Variants in SSBP3 observed in about 807,000 individuals in gnomAD.
SSBP3 encodes the protein single-stranded DNA-binding protein 3.
Under a neutral mutation model 69.6 loss-of-function variants are expected in SSBP3, and 5 were observed. The ratio of observed to expected loss-of-function variants is 0.07; its 90% CI spans 0.04 to 0.15. The LOEUF (loss-of-function observed/expected upper bound fraction) is 0.15, where lower values mean the gene tolerates loss of function less well. Among genes scored for constraint, SSBP3 ranks in the 10% least tolerant of loss-of-function variants. The probability of loss-of-function intolerance (pLI) is 1.00; values close to 1 mark genes in which losing one functional copy is unlikely to be tolerated. For synonymous variants in SSBP3, 196 were observed against 193.4 expected (o/e 1.01, Z -0.11); for missense variants, 312 against 534.0 (o/e 0.58, Z 4.10).
At chr1:54,236,024 GC>G (rs1644485871) in intron 14 of SSBP3, among the ~76,000 whole-genome samples, 1 of 152,216 alleles carries the variant, frequency 6.6e-6, no homozygotes, top group South Asian at 2.1e-4. Context: ...TGGCTGGCTA[GC>G]CCCATCTAGG....
chr1:54,301,645 G>A (rs771959412), intron 4 of SSBP3, among the ~76,000 whole-genome samples: 1 of 152,224 alleles, frequency 6.6e-6, no homozygotes, highest in African/African-American at 2.4e-5. Flanking sequence ...AAATGGGAAG[G>A]GGGATGAAAA....
intron 4 of SSBP3, chr1:54,287,433 G>T (rs907492120): frequency 6.6e-6 from 1 of 152,442 alleles, no homozygotes; most frequent in Admixed American, 6.5e-5. Flanking sequence ...GGGGTGGGAG[G>T]TGTGTGCTGA....
chr1:54,298,514 G>C (rs1467820887), intron 4 of SSBP3, among the ~76,000 whole-genome samples: 1 of 152,098 alleles, frequency 6.6e-6, no homozygotes, highest in Non-Finnish European at 1.5e-5. Context: ...CAGTGCCAGA[G>C]GCCACCCGGC....
intron 4 of SSBP3, among the ~76,000 whole-genome samples, chr1:54,395,619 A>T (rs1648808711): frequency 6.6e-6 from 1 of 152,148 alleles, no homozygotes; most frequent in East Asian, 1.9e-4. Flanking sequence ...ATATTGACGG[A>T]TGACTGTACT....
intron 4 of SSBP3, among the ~76,000 whole-genome samples, chr1:54,306,882 G>A (rs1328642279): frequency 6.6e-6 from 1 of 152,180 alleles, no homozygotes; most frequent in African/African-American, 2.4e-5. Context: ...CTGAGGTAGT[G>A]GACAGAGGTG....
intron 4 of SSBP3, among the ~76,000 whole-genome samples, chr1:54,315,564 A>G (rs893467278): frequency 6.6e-6 from 1 of 151,918 alleles, no homozygotes; most frequent in African/African-American, 2.4e-5. Context: ...ATCTATTGCT[A>G]GCCTCAGTAT....
exon 15 of SSBP3, chr1:54,228,778 T>G (rs1234430631): frequency 6.2e-7 from 1 of 1,609,768 alleles, no homozygotes; most frequent in African/African-American, 1.3e-5. Flanking sequence ...TGTGGCTCCA[T>G]GCCACCCATG....
chr1:54,319,381 G>A (rs1456988010), intron 4 of SSBP3, among the ~76,000 whole-genome samples: 1 of 152,062 alleles, frequency 6.6e-6, no homozygotes, highest in Non-Finnish European at 1.5e-5. Context: ...GGGAGTTGCA[G>A]AGTGACCCGC....
At chr1:54,249,148 G>A (rs3753417) in intron 9 of SSBP3, among the ~76,000 whole-genome samples, 9,873 of 152,228 alleles carry the variant, frequency 0.065, 422 homozygotes, top group South Asian at 0.22. Flanking sequence ...ACACCCAGAG[G>A]AAGTCCTGAA....
intron 4 of SSBP3, among the ~76,000 whole-genome samples, chr1:54,289,133 G>A (rs1051073037): frequency 1.3e-5 from 2 of 151,390 alleles, no homozygotes; most frequent in Non-Finnish European, 1.5e-5. Flanking sequence ...AGAAATAGCC[G>A]GCACTTCATT....
Position 54,405,385 on chromosome 1 carries a change from C to G in SSBP3, c.57-455G>C, listed in dbSNP as rs974926861. On this transcript the variant is annotated intron_variant, in intron 1 of 17. Coordinates refer to ENST00000610401, the Ensembl canonical transcript of SSBP3. Reference sequence around the variant, plus strand: ...GTCACCTCCCCCCAAACAACTGTGCCCCAAGCCTGGGGCCAAGCCGGCACC... The same window carrying G: ...GTCACCTCCCCCCAAACAACTGTGCGCCAAGCCTGGGGCCAAGCCGGCACC... 8 of 174,468 alleles carry G rather than the reference C, an allele frequency of 4.6e-5. No homozygotes were observed. The South Asian group carries it at 1.1e-3, about 24-fold the overall frequency. The allele number at this position is 174,468 out of a possible 1,614,324, so 10.8% of individuals were successfully genotyped here.
chr1:54,365,498 G>A (rs1313287497), intron 4 of SSBP3, among the ~76,000 whole-genome samples: 3 of 152,246 alleles, frequency 2.0e-5, no homozygotes, highest in South Asian at 4.1e-4. Context: ...GTGGGGCGCA[G>A]AAAAGCACGA....
chr1:54,237,714 G>A (rs532724106), intron 14 of SSBP3: 1 of 160,230 alleles, frequency 6.2e-6, no homozygotes, highest in Non-Finnish European at 1.4e-5. Flanking sequence ...TGAACTCTTA[G>A]GAAATACAGT....
At chr1:54,406,993 C>G (rs931611278), upstream of SSBP3, among the ~76,000 whole-genome samples, 4 of 152,102 alleles carry the variant, frequency 2.6e-5, no homozygotes, top group Non-Finnish European at 4.4e-5. Flanking sequence ...CTCGCCCAGT[C>G]TGGCTTCCGA....
rs894484189 is a variant in SSBP3, at chr1:54,261,699, C to T, written c.367-3550G>A. Among the ~76,000 whole-genome samples the T allele has an allele frequency of 3.3e-5, 5 of 152,192 alleles. No individual in the cohort carries two copies. The East Asian group carries it at 9.6e-4, about 29-fold the overall frequency. Reference sequence around the variant, plus strand: ...CCAGCAGGCCCAGCTCCATTTAGAACATCTCCCTCCATGAGAGCTGGATGC... The same window carrying T: ...CCAGCAGGCCCAGCTCCATTTAGAATATCTCCCTCCATGAGAGCTGGATGC... On this transcript the variant is annotated intron_variant, in intron 5 of 17. Coordinates refer to ENST00000610401, the Ensembl canonical transcript of SSBP3.
chr1:54,384,641 A>T (rs1246126553), intron 4 of SSBP3, among the ~76,000 whole-genome samples: 1 of 152,264 alleles, frequency 6.6e-6, no homozygotes, highest in Non-Finnish European at 1.5e-5. Context: ...CTGGGAGAAC[A>T]GCCTGTGCAA....
chr1:54,371,169 C>A (rs961776919), intron 4 of SSBP3, among the ~76,000 whole-genome samples: 12 of 152,210 alleles, frequency 7.9e-5, no homozygotes, highest in Non-Finnish European at 5.9e-5. Context: ...TTTTCATAGC[C>A]ATATCAGGTC....
At chr1:54,266,136 C>T (rs759606233) in intron 5 of SSBP3, among the ~76,000 whole-genome samples, 27 of 152,222 alleles carry the variant, frequency 1.8e-4, no homozygotes, top group Non-Finnish European at 8.8e-5. Flanking sequence ...GCCTGGACTG[C>T]GACTGCCATG....
rs538743922 is a variant in SSBP3 at position 54,254,907 on chromosome 1, A to G, written c.507+2220T>C. Among the ~76,000 whole-genome samples, 8 of 152,096 alleles carry G rather than the reference A, an allele frequency of 5.3e-5. No homozygotes were observed. The East Asian group carries it at 1.5e-3, about 29-fold the overall frequency. On this transcript the variant is annotated intron_variant, in intron 7 of 17. Transcript: ENST00000610401. ...GAGTGCAATGGCGCAATCTCGGCTC[A>G]CTGCAGCCTCCGACTCCTAGGTCCC...
Sources: allele counts gnomAD v4.1 joint callset (sites outside exome capture counted in the v4.1 genomes callset), GRCh38; gene constraint gnomAD v4.1.1; transcripts MANE v1.5; gene names NCBI Gene and HGNC (gene_info 2026-07-23, HGNC 2026-07-21).